The following ZFAND3 variants were observed in gnomAD, a reference collection of about 807,000 sequenced individuals.
ZFAND3 encodes the protein zinc finger AN1-type containing 3.
A neutral mutation model predicts 29.6 loss-of-function variants in ZFAND3; 10 were observed. That is an observed-to-expected ratio of 0.34 (90% confidence interval 0.21 to 0.57). The LOEUF (loss-of-function observed/expected upper bound fraction) is 0.57. Ranked by LOEUF, ZFAND3 falls within the 20% of genes least tolerant of loss-of-function variation. The pLI, the probability that ZFAND3 is intolerant of heterozygous loss-of-function variation, is 0.86. For synonymous variants in ZFAND3, 128 were observed against 112.6 expected (o/e 1.14, Z -0.87); for missense variants, 230 against 304.5 (o/e 0.76, Z 1.82).
chr6:37,933,791 T>C (rs1331916169), intron 2 of ZFAND3, among the ~76,000 whole-genome samples: 1 of 152,194 alleles, frequency 6.6e-6, no homozygotes, highest in African/African-American at 2.4e-5. Context: ...TTTAAACTTT[T>C]TGACAACTAT....
chr6:38,152,363 C>G lies in ZFAND3; in HGVS notation c.658C>G (p.Gln220Glu), dbSNP rs1334558627. 6.2e-7 allele frequency: 1 copy of G among 1,603,454 alleles called. No homozygotes were observed. Among genetic ancestry groups the G allele is most frequent in the African/African-American group, 1.3e-5 (1 of 74,594 alleles). The change falls in exon 6 of 6, where the codon CAG becomes GAG. Residue 220 changes from glutamine to glutamate, a missense_variant. By Grantham distance (29) the Gln-to-Glu change is conservative (BLOSUM62 2). This residue lies in a region of ZFAND3 where 50 missense variants were observed against 102.0 expected (regional missense o/e 0.49). Coordinates refer to ENST00000287218, the MANE Select transcript of ZFAND3 (RefSeq NM_021943.3). ...KLDRKVGRSC[Q>E]RIGEGCS ...GGACCGGAAAGTGGGGCGCTCCTGC[C>G]AGCGCATCGGGGAGGGGTGCTCCTG...
intron 1 of ZFAND3, among the ~76,000 whole-genome samples, chr6:37,831,612 A>AG (rs1366709762): frequency 2.0e-5 from 3 of 152,206 alleles, no homozygotes; most frequent in African/African-American, 7.2e-5. Flanking sequence ...ATGGGAACTG[A>AG]GGGCGGCCAG....
At chr6:38,042,459 G>C (rs1299002413) in intron 2 of ZFAND3, among the ~76,000 whole-genome samples, 1 of 151,716 alleles carries the variant, frequency 6.6e-6, no homozygotes, top group African/African-American at 2.4e-5. Flanking sequence ...GATTATAGGC[G>C]CCCACCACCA....
Position 37,934,690 on chromosome 6 carries a change from T to A in ZFAND3, c.112+4691T>A, listed in dbSNP as rs189555044. On this transcript the variant is annotated intron_variant, in intron 2 of 5. Transcript: ENST00000287218. ...TGTCTCTACTAAAAATACAAAAAAATTAGCTGAGTGTAGTGGTGCATGCCT... is the reference window on the plus strand; with the variant it reads ...TGTCTCTACTAAAAATACAAAAAAAATAGCTGAGTGTAGTGGTGCATGCCT... 8.8e-4 allele frequency among the ~76,000 whole-genome samples: 133 copies of A among 151,622 alleles called. 1 individual carries two copies. Among genetic ancestry groups the A allele is most frequent in the African/African-American group, 2.9e-3 (122 of 41,370 alleles).
intron 5 of ZFAND3, among the ~76,000 whole-genome samples, chr6:38,117,912 A>C (rs1405004394): frequency 1.3e-5 from 2 of 151,904 alleles, no homozygotes; most frequent in African/African-American, 2.4e-5. Context: ...CTACGTTGGA[A>C]CTCCTATTCC....
intron 5 of ZFAND3, among the ~76,000 whole-genome samples, chr6:38,144,218 A>ATAATAT (rs1554183997): frequency 9.5e-5 from 3 of 31,446 alleles, no homozygotes; most frequent in African/African-American, 5.6e-4. Flanking sequence ...TATAATATAT[A>ATAATAT]ATATATATAT....
chr6:37,951,750 T>G (rs1762002404), intron 2 of ZFAND3, among the ~76,000 whole-genome samples: 1 of 152,102 alleles, frequency 6.6e-6, no homozygotes, highest in South Asian at 2.1e-4. Context: ...GTGCTGAGAG[T>G]GGGCATCCTT....
intron 1 of ZFAND3, among the ~76,000 whole-genome samples, chr6:37,850,086 C>T (rs545709122): frequency 6.6e-6 from 1 of 152,114 alleles, no homozygotes; most frequent in East Asian, 1.9e-4. Context: ...TGGGCACAGC[C>T]CTAGTAGGTT....
intron 2 of ZFAND3, among the ~76,000 whole-genome samples, chr6:37,943,823 C>T (rs938852295): frequency 2.0e-5 from 3 of 152,154 alleles, no homozygotes; most frequent in African/African-American, 7.2e-5. Flanking sequence ...TAATGAGTTT[C>T]AAAGTAAACT....
intron 2 of ZFAND3, among the ~76,000 whole-genome samples, chr6:37,939,851 C>T (rs35575717): frequency 0.078 from 11,925 of 152,030 alleles, 553 homozygotes; most frequent in African/African-American, 0.13. Flanking sequence ...ACCAGCCTGG[C>T]CAACATGGTG....
intron 1 of ZFAND3, among the ~76,000 whole-genome samples, chr6:37,836,138 CA>C (rs1763963812): frequency 1.3e-5 from 2 of 152,152 alleles, no homozygotes; most frequent in African/African-American, 2.4e-5. Flanking sequence ...ATTGTTAGAT[CA>C]GTGATTCTCT....
chr6:38,116,352 C>T (rs1024188298), intron 4 of ZFAND3, among the ~76,000 whole-genome samples: 1 of 152,220 alleles, frequency 6.6e-6, no homozygotes, highest in African/African-American at 2.4e-5. Flanking sequence ...CCACACCCTC[C>T]TCTCCAGCTC....
intron 1 of ZFAND3, among the ~76,000 whole-genome samples, chr6:37,848,383 C>T (rs768742997): frequency 1.3e-4 from 20 of 152,194 alleles, no homozygotes; most frequent in Non-Finnish European, 2.1e-4. Flanking sequence ...TGTCAGGCAG[C>T]GGTGAAGTTA....
intron 1 of ZFAND3, among the ~76,000 whole-genome samples, chr6:37,921,390 C>G (rs1230394945): frequency 2.7e-5 from 4 of 149,406 alleles, no homozygotes; most frequent in African/African-American, 9.8e-5. Flanking sequence ...TTATACTTTT[C>G]TCTATTTTTC....
chr6:37,924,172 G>T (rs1219503692), intron 1 of ZFAND3, among the ~76,000 whole-genome samples: 1 of 152,112 alleles, frequency 6.6e-6, no homozygotes, highest in South Asian at 2.1e-4. Context: ...ATAGGATGAC[G>T]TTATCTACCA....
intron 1 of ZFAND3, among the ~76,000 whole-genome samples, chr6:37,847,976 A>G (rs1158368804): frequency 1.3e-5 from 2 of 152,232 alleles, no homozygotes; most frequent in African/African-American, 2.4e-5. Flanking sequence ...AGCGTAAAAT[A>G]CTTACAGAAA....
intron 2 of ZFAND3, among the ~76,000 whole-genome samples, chr6:38,056,211 T>A: frequency 6.6e-6 from 1 of 152,342 alleles, no homozygotes; most frequent in Non-Finnish European, 1.5e-5. Flanking sequence ...GTTTAGTTCA[T>A]GTATCTATAA....
rs561433987 is a variant in ZFAND3 at position 37,938,967 on chromosome 6, A to G, written c.112+8968A>G. 1.6e-3 allele frequency among the ~76,000 whole-genome samples: 244 copies of G among 152,286 alleles called. 1 individual carries two copies. The highest frequency in any genetic ancestry group is 3.4e-3 in the Middle Eastern group (1 of 294). ...GTCTTTTAAGATAGTTTAGTCTGTC[A>G]CTTGGCTTTATTTCTTCCCTCTTGT... On this transcript the variant is annotated intron_variant, in intron 2 of 5. Coordinates refer to ENST00000287218, the MANE Select transcript of ZFAND3 (RefSeq NM_021943.3).
intron 1 of ZFAND3, among the ~76,000 whole-genome samples, chr6:37,874,704 T>G (rs1764760884): frequency 1.3e-5 from 2 of 151,924 alleles, no homozygotes; most frequent in African/African-American, 4.8e-5. Context: ...GGGTTTAGGG[T>G]AGGGGAGGGA....
Sources: gnomAD v4.1 joint callset for allele counts (sites outside exome capture counted in the v4.1 genomes callset) on GRCh38, gnomAD v4.1.1 for gene constraint, gnomAD v4.1.1 regional missense constraint, MANE v1.5 for transcripts, NCBI Gene and HGNC (gene_info 2026-07-23, HGNC 2026-07-21) for gene names.